The following HPF1 variants were observed in gnomAD, a reference collection of about 807,000 sequenced individuals.
HPF1 encodes the protein histone PARylation factor 1.
In HPF1, 35 loss-of-function variants were observed where a neutral mutation model predicts 38.8. The ratio of observed to expected loss-of-function variants is 0.90; its 90% CI spans 0.69 to 1.19. HPF1 has a LOEUF of 1.19. Among genes scored for constraint, HPF1 ranks in the 50% most tolerant of loss-of-function variants. The probability of loss-of-function intolerance (pLI) is 0.00; values close to 1 mark genes in which losing one functional copy is unlikely to be tolerated. For missense variants in HPF1, 367 were observed against 405.8 expected, an observed-to-expected ratio of 0.90 and a Z score of 0.82; for synonymous variants, 115 against 139.2, an observed-to-expected ratio of 0.83 and a Z score of 1.22.
chr4:169,734,296 G>A (rs910360612), intron 6 of HPF1, among the ~76,000 whole-genome samples: 5 of 152,142 alleles, frequency 3.3e-5, no homozygotes, highest in African/African-American at 7.2e-5. Context: ...CCCTGTTATC[G>A]TGGGTGTAAC....
intron 6 of HPF1, among the ~76,000 whole-genome samples, chr4:169,733,469 G>A (rs986139057): frequency 6.6e-6 from 1 of 152,146 alleles, no homozygotes; most frequent in African/African-American, 2.4e-5. Flanking sequence ...ACAGGTGGCT[G>A]CCATACTGGG....
At chr4:169,730,214 A>G (rs1444092259) in intron 7 of HPF1, among the ~76,000 whole-genome samples, 1 of 152,240 alleles carries the variant, frequency 6.6e-6, no homozygotes, top group Non-Finnish European at 1.5e-5. Flanking sequence ...GATTACTGCT[A>G]TTATCTACAT....
chr4:169,746,881 A>AT (rs57187475), intron 4 of HPF1, among the ~76,000 whole-genome samples: 22 of 138,878 alleles, frequency 1.6e-4, no homozygotes, highest in South Asian at 4.5e-4. Context: ...TCACCCATGC[A>AT]TTTTTTTTTT....
At chr4:169,737,071 G>A (rs1289181726) in intron 6 of HPF1, among the ~76,000 whole-genome samples, 8 of 152,000 alleles carry the variant, frequency 5.3e-5, no homozygotes, top group African/African-American at 7.2e-5. Context: ...TCAAAGGTTC[G>A]GAAATAGTTC....
At chr4:169,736,181 C>A (rs1733889779) in intron 6 of HPF1, among the ~76,000 whole-genome samples, 2 of 151,382 alleles carry the variant, frequency 1.3e-5, no homozygotes, top group Admixed American at 1.3e-4. Flanking sequence ...GAGTTCGAGA[C>A]CAGCATCGGC....
intron 2 of HPF1, 23 bp from the exon 3 acceptor site, chr4:169,750,748 C>T (rs200337191): frequency 6.6e-7 from 1 of 1,525,074 alleles, no homozygotes; most frequent in East Asian, 2.3e-5. Context: ...TAAATTTAGA[C>T]AATACTTTCT....
At chr4:169,744,937 A>G (rs1364503615) in intron 4 of HPF1, among the ~76,000 whole-genome samples, 1 of 147,552 alleles carries the variant, frequency 6.8e-6, no homozygotes, top group African/African-American at 2.5e-5. Flanking sequence ...TCAAAGAGAA[A>G]TTTTATAGTA....
At chr4:169,738,935 A>G (rs144926275) in intron 5 of HPF1, among the ~76,000 whole-genome samples, 2,148 of 151,954 alleles carry the variant, frequency 0.014, 44 homozygotes, top group African/African-American at 0.05. Flanking sequence ...TGGGAATTGA[A>G]CAATGAGAAC....
chr4:169,729,825 C>A (rs1560885475), intron 7 of HPF1, 116 bp from the exon 8 acceptor site: 2 of 727,226 alleles, frequency 2.8e-6, no homozygotes, highest in East Asian at 3.4e-5. Flanking sequence ...ATCATTTTAG[C>A]TACACCCTCA....
intron 7 of HPF1, among the ~76,000 whole-genome samples, chr4:169,731,361 C>G (rs1435715793): frequency 6.6e-6 from 1 of 152,150 alleles, no homozygotes; most frequent in Non-Finnish European, 1.5e-5. Context: ...CACCCCCATA[C>G]CTAGCCCCAA....
chr4:169,751,810 T>C (rs1488902766), intron 2 of HPF1, among the ~76,000 whole-genome samples: 2 of 152,126 alleles, frequency 1.3e-5, no homozygotes, highest in African/African-American at 2.4e-5. Flanking sequence ...TTTTAAAGCA[T>C]GAAGAAAACT....
intron 4 of HPF1, among the ~76,000 whole-genome samples, chr4:169,747,079 C>T (rs1248900171): frequency 2.0e-5 from 3 of 148,690 alleles, no homozygotes; most frequent in Admixed American, 6.8e-5. Context: ...TGTTGCCCAG[C>T]CTGAAAAAAT....
At chr4:169,732,714 G>A (rs990448548) in intron 6 of HPF1, among the ~76,000 whole-genome samples, 4 of 152,174 alleles carry the variant, frequency 2.6e-5, no homozygotes, top group African/African-American at 9.7e-5. Flanking sequence ...CTATATAGTT[G>A]CCTCTGTATC....
At chr4:169,732,036 T>C (rs972460630) in intron 6 of HPF1, 160 bp from the exon 7 acceptor site, 18 of 523,256 alleles carry the variant, frequency 3.4e-5, no homozygotes, top group African/African-American at 6.0e-5. Context: ...TAATTTAGAA[T>C]GGCAATTTGG....
chr4:169,742,656 A>G lies in HPF1; in HGVS notation c.498-549T>C, dbSNP rs368750813. Among the ~76,000 whole-genome samples the G allele has an allele frequency of 2.1e-3, 323 of 152,190 alleles. 1 individual carries two copies. The highest frequency in any genetic ancestry group is 5.4e-3 in the South Asian group (26 of 4,822). ...AAATACAAAAAATTAGCCGGGCGTG[A>G]TGGCGGGCGCCTGTAGTCCCAGCTA... On this transcript the variant is annotated intron_variant, in intron 4 of 7. Transcript: ENST00000393381.
intron 6 of HPF1, among the ~76,000 whole-genome samples, chr4:169,737,304 AAAAC>A (rs1733911135): frequency 1.4e-5 from 2 of 143,730 alleles, no homozygotes; most frequent in African/African-American, 2.9e-5. Flanking sequence ...AAAAAAAAAA[AAAAC>A]AAACAAAAAA....
At chr4:169,739,100 G>T (rs1024130999) in intron 5 of HPF1, among the ~76,000 whole-genome samples, 6 of 152,006 alleles carry the variant, frequency 3.9e-5, no homozygotes. Flanking sequence ...TAACAAACCT[G>T]CACGTTGTGC....
chr4:169,750,378 G>T, intron 3 of HPF1, 158 bp downstream of exon 3: 1 of 498,144 alleles, frequency 2.0e-6, no homozygotes. Flanking sequence ...CCCATCCTAG[G>T]GAAGGTTAAA....
intron 1 of HPF1, among the ~76,000 whole-genome samples, chr4:169,754,253 C>T (rs1385582178): frequency 1.3e-5 from 2 of 152,168 alleles, no homozygotes; most frequent in Non-Finnish European, 2.9e-5. Context: ...AGTTAAAAAG[C>T]TGTTTCTTTA....
Sources: gnomAD v4.1 joint callset for allele counts (sites outside exome capture counted in the v4.1 genomes callset) on GRCh38, gnomAD v4.1.1 for gene constraint, MANE v1.5 for transcripts, NCBI Gene and HGNC (gene_info 2026-07-23, HGNC 2026-07-21) for gene names.